Variants in IGF2BP3 observed in about 807,000 individuals in gnomAD.
IGF2BP3 encodes insulin-like growth factor 2 mRNA-binding protein 3.
In IGF2BP3, 9 loss-of-function variants were observed where a neutral mutation model predicts 73.8. That is an observed-to-expected ratio of 0.12 (90% CI 0.07 to 0.21). The LOEUF is 0.21. Among genes scored for constraint, IGF2BP3 ranks in the 10% least tolerant of loss-of-function variants. The pLI is 1.00. For missense variants in IGF2BP3, 542 were observed against 714.0 expected (o/e 0.76, Z 2.75); for synonymous variants, 258 against 256.7 (o/e 1.01, Z -0.05).
chr7:23,351,631 T>C, intron 5 of IGF2BP3, 45 bp from the exon 6 acceptor site: 3 of 1,597,792 alleles, frequency 1.9e-6, no homozygotes, highest in South Asian at 1.1e-5. Context: ...AATCAGGCTA[T>C]ATGACACATC....
chr7:23,314,596 C>G (rs1783926462), intron 12 of IGF2BP3, among the ~76,000 whole-genome samples: 1 of 152,098 alleles, frequency 6.6e-6, no homozygotes, highest in South Asian at 2.1e-4. Flanking sequence ...TGCAAGCCAC[C>G]ACACCTGGTC....
chr7:23,373,646 C>A (rs373159029), intron 3 of IGF2BP3, among the ~76,000 whole-genome samples: 12 of 151,948 alleles, frequency 7.9e-5, no homozygotes, highest in African/African-American at 2.4e-4. Flanking sequence ...AGCAGTTCCT[C>A]AAAAAAAATT....
In IGF2BP3 at chr7:23,378,401, G is replaced by GT. The variant is rs373876363; in HGVS notation, c.286-16661dup. 2.6e-4 allele frequency among the ~76,000 whole-genome samples: 33 copies of GT among 128,056 alleles called. 1 individual carries two copies. Among genetic ancestry groups the GT allele is most frequent in the East Asian group, 4.3e-4 (2 of 4,654 alleles). The allele number at this position is 128,056 out of a possible 152,430, so 84.0% of individuals were successfully genotyped here. A position where few individuals can be genotyped will look rare whatever the true frequency, so the allele number is the denominator to read the frequency against. ...AGGAAAATAGACATTTCTCTTCTTGGTTTTTTTTTGAGACAGAGTCTCGCT... is the reference window on the plus strand; with the variant it reads ...AGGAAAATAGACATTTCTCTTCTTGGTTTTTTTTTTGAGACAGAGTCTCGCT... On this transcript the variant is annotated intron_variant, in intron 3 of 14. Transcript: ENST00000258729.
intron 6 of IGF2BP3, among the ~76,000 whole-genome samples, chr7:23,348,623 G>A (rs1784888965): frequency 6.6e-6 from 1 of 152,116 alleles, no homozygotes; most frequent in Non-Finnish European, 1.5e-5. Flanking sequence ...TCTTTGTTGT[G>A]GATGGGGTGT....
At chr7:23,384,660 G>T (rs1786025588) in intron 3 of IGF2BP3, among the ~76,000 whole-genome samples, 1 of 152,098 alleles carries the variant, frequency 6.6e-6, no homozygotes. Context: ...GGAGGCAGAG[G>T]CAGGCAGGTT....
At chr7:23,376,539 A>AG (rs1287141830) in intron 3 of IGF2BP3, among the ~76,000 whole-genome samples, 1 of 120,074 alleles carries the variant, frequency 8.3e-6, no homozygotes, top group African/African-American at 3.3e-5. Context: ...CATCTCCCAA[A>AG]GAAAAAAAAA....
chr7:23,449,239 C>A (rs1288737783), intron 2 of IGF2BP3, among the ~76,000 whole-genome samples: 1 of 151,918 alleles, frequency 6.6e-6, no homozygotes, highest in Non-Finnish European at 1.5e-5. Context: ...TGATACAGGC[C>A]GGGCGTGGTG....
intron 7 of IGF2BP3, 180 bp from the exon 8 acceptor site, chr7:23,346,242 G>A: frequency 1.8e-6 from 1 of 549,542 alleles, no homozygotes; most frequent in Non-Finnish European, 3.1e-6. Context: ...TAGAAGGGGA[G>A]AAAAAATACA....
chr7:23,408,734 TCA>T (rs2128529872), intron 3 of IGF2BP3, among the ~76,000 whole-genome samples: 1 of 152,150 alleles, frequency 6.6e-6, no homozygotes, highest in East Asian at 1.9e-4. Flanking sequence ...AAGCAGAGTC[TCA>T]AAGAGATATT....
Position 23,312,193 on chromosome 7 carries a change from T to C in IGF2BP3, c.*169A>G, listed in dbSNP as rs1032230798. 5.4e-5 allele frequency: 32 copies of C among 594,192 alleles called. No homozygotes were observed. The highest frequency in any genetic ancestry group is 1.5e-4 in the Admixed American group (5 of 33,440). 36.8% of individuals were successfully genotyped at this position (594,192 alleles called of 1,614,324 possible). ...CATACATTTCAGAGAGCATAAAGTA[T>C]ACATTCTCACAGAGACAGGAGTTCA... On this transcript the variant is annotated 3_prime_UTR_variant, in exon 15 of 15. Transcript: ENST00000258729.
chr7:23,333,500 T>G (rs778097421), intron 10 of IGF2BP3, among the ~76,000 whole-genome samples: 3 of 152,178 alleles, frequency 2.0e-5, no homozygotes, highest in Non-Finnish European at 4.4e-5. Flanking sequence ...GTTCTTGTTT[T>G]GCTGATGAGA....
intron 11 of IGF2BP3, among the ~76,000 whole-genome samples, chr7:23,318,075 G>C (rs550469297): frequency 1.3e-5 from 2 of 152,298 alleles, no homozygotes; most frequent in South Asian, 4.1e-4. Context: ...AGGGAGAGCT[G>C]GGTCTGTCTC....
At chr7:23,371,889 G>C (rs909471344) in intron 3 of IGF2BP3, among the ~76,000 whole-genome samples, 2 of 152,180 alleles carry the variant, frequency 1.3e-5, no homozygotes, top group Non-Finnish European at 2.9e-5. Context: ...TGGACTCTCT[G>C]AGAGAGAACA....
chr7:23,342,316 A>T, intron 9 of IGF2BP3, 127 bp from the exon 10 acceptor site: 2 of 1,017,860 alleles, frequency 2.0e-6, no homozygotes, highest in Non-Finnish European at 3.0e-6. Flanking sequence ...CTCAAAGCAG[A>T]TGTTCCATGG....
At chr7:23,409,627 A>G (rs945664495) in intron 3 of IGF2BP3, among the ~76,000 whole-genome samples, 1 of 152,242 alleles carries the variant, frequency 6.6e-6, no homozygotes, top group African/African-American at 2.4e-5. Context: ...TGTGAGGGCA[A>G]TTCAATGGAA....
intron 2 of IGF2BP3, among the ~76,000 whole-genome samples, chr7:23,432,866 A>C (rs890562842): frequency 1.3e-5 from 2 of 152,164 alleles, no homozygotes; most frequent in Non-Finnish European, 2.9e-5. Flanking sequence ...TCCTGGGCTC[A>C]AGCAATCCAC....
chr7:23,344,592 T>C (rs1434976658), intron 8 of IGF2BP3, among the ~76,000 whole-genome samples: 2 of 152,242 alleles, frequency 1.3e-5, no homozygotes, highest in Non-Finnish European at 2.9e-5. Context: ...CCTAAGCCTA[T>C]GCTGGTCAAC....
chr7:23,419,479 T>C (rs1405362266), intron 2 of IGF2BP3, among the ~76,000 whole-genome samples: 3 of 152,236 alleles, frequency 2.0e-5, no homozygotes, highest in Non-Finnish European at 2.9e-5. Context: ...TAAGCACCTA[T>C]CACCAAGTTT....
chr7:23,458,138 G>A (rs759166348), intron 2 of IGF2BP3, among the ~76,000 whole-genome samples: 33 of 152,092 alleles, frequency 2.2e-4, no homozygotes, highest in Non-Finnish European at 4.4e-4. Flanking sequence ...TTGTCCAACA[G>A]GATCCTATGA....
Sources: gnomAD v4.1 joint callset for allele counts (sites outside exome capture counted in the v4.1 genomes callset) on GRCh38, gnomAD v4.1.1 for gene constraint, MANE v1.5 for transcripts, NCBI Gene and HGNC (gene_info 2026-07-23, HGNC 2026-07-21) for gene names.